KLHL4: variants seen among roughly 807,000 people sequenced by gnomAD.
KLHL4 encodes kelch like family member 4.
Under a neutral mutation model 45.8 loss-of-function variants are expected in KLHL4, and 17 were observed. The observed-to-expected ratio is 0.37, with a 90% CI of 0.25 to 0.56. KLHL4 has a LOEUF of 0.56. Among genes scored for constraint, KLHL4 ranks in the 20% least tolerant of loss-of-function variants. The pLI is 0.79. For missense variants in KLHL4, 544 were observed against 544.9 expected (o/e 1.00, Z 0.02); for synonymous variants, 224 against 189.9 (o/e 1.18, Z -1.47).
At chrX:87,623,369 C>T (rs1472017180) in intron 5 of KLHL4, among the ~76,000 whole-genome samples, 3 of 97,468 alleles carry the variant, frequency 3.1e-5, no homozygotes, top group African/African-American at 3.9e-5. Flanking sequence ...TCTCGGCTCA[C>T]GGCAACCTCT....
intron 9 of KLHL4, among the ~76,000 whole-genome samples, chrX:87,641,031 AATC>A (rs1923441601): frequency 8.9e-6 from 1 of 112,150 alleles, no homozygotes; most frequent in African/African-American, 3.2e-5. Context: ...TCAGAATTGG[AATC>A]ATCATGGTGG....
intron 9 of KLHL4, among the ~76,000 whole-genome samples, chrX:87,641,738 C>T (rs1043907693): frequency 8.1e-5 from 9 of 110,973 alleles, no homozygotes; most frequent in East Asian, 5.8e-4. Context: ...TTGGTTTGCA[C>T]GGGAGCTGGG....
At chrX:87,565,766 TAA>T (rs60442647) in intron 1 of KLHL4, among the ~76,000 whole-genome samples, 22,424 of 96,771 alleles carry the variant, frequency 0.23, 2,747 homozygotes, top group East Asian at 0.5. Flanking sequence ...AAAATAATTA[TAA>T]GAGTTGATTA....
At chrX:87,622,182 A>T in intron 4 of KLHL4, 29 bp from the exon 5 acceptor site, 14 of 1,049,764 alleles carry the variant, frequency 1.3e-5, no homozygotes, top group Non-Finnish European at 1.6e-5. Flanking sequence ...TAAAGTGCAA[A>T]GTTTTAGTAG....
intron 8 of KLHL4, 37 bp from the exon 9 acceptor site, chrX:87,635,526 C>T: frequency 1.9e-6 from 2 of 1,043,389 alleles, no homozygotes; most frequent in Non-Finnish European, 2.7e-6. Context: ...TGTATACACA[C>T]ACATATACAT....
intron 1 of KLHL4, among the ~76,000 whole-genome samples, chrX:87,584,900 C>T (rs1347764020): frequency 9.2e-6 from 1 of 108,288 alleles, no homozygotes; most frequent in Non-Finnish European, 1.9e-5. Flanking sequence ...GTAGATTTAC[C>T]CCCAAAATGA....
chrX:87,608,485 C>T (rs777636672), intron 1 of KLHL4, among the ~76,000 whole-genome samples: 4 of 108,373 alleles, frequency 3.7e-5, no homozygotes, highest in African/African-American at 1.0e-4. Context: ...TTTTTTTTTT[C>T]CCCAGGAATT....
chrX:87,531,117 GT>G (rs1163372254), intron 1 of KLHL4, among the ~76,000 whole-genome samples: 54 of 110,238 alleles, frequency 4.9e-4, no homozygotes, highest in African/African-American at 1.8e-3. Flanking sequence ...TGATGGGGTT[GT>G]TTTTTTCTTG....
chrX:87,531,003 G>T (rs1182339518), intron 1 of KLHL4, among the ~76,000 whole-genome samples: 1 of 111,827 alleles, frequency 8.9e-6, no homozygotes, highest in African/African-American at 3.3e-5. Context: ...GTTTTGATTT[G>T]CATTTCTCTG....
chrX:87,608,030 CT>C (rs1922254973), intron 1 of KLHL4, among the ~76,000 whole-genome samples: 1 of 111,711 alleles, frequency 9.0e-6, no homozygotes, highest in African/African-American at 3.3e-5. Flanking sequence ...TACACCTATC[CT>C]TCCCTATCTC....
chrX:87,567,616 A>G (rs780786336), intron 1 of KLHL4, among the ~76,000 whole-genome samples: 1 of 112,289 alleles, frequency 8.9e-6, no homozygotes, highest in Non-Finnish European at 1.9e-5. Context: ...GTGAAACACT[A>G]TTCTGCCTTA....
chrX:87,631,540 T>C (rs1923095386), intron 6 of KLHL4, among the ~76,000 whole-genome samples: 1 of 111,760 alleles, frequency 8.9e-6, no homozygotes, highest in South Asian at 3.8e-4. Context: ...TTTATTTATA[T>C]AGACAGAGTC....
At chrX:87,630,209 G>A (rs1211255347) in intron 6 of KLHL4, among the ~76,000 whole-genome samples, 1 of 111,532 alleles carries the variant, frequency 9.0e-6, no homozygotes, top group East Asian at 2.8e-4. Context: ...CAATGGTTAT[G>A]CTTCAAATGT....
intron 5 of KLHL4, 55 bp from the exon 6 acceptor site, chrX:87,625,555 C>T (rs773163161): frequency 7.4e-5 from 73 of 986,482 alleles, no homozygotes; most frequent in South Asian, 6.1e-4. Flanking sequence ...AATACAAATA[C>T]GTTCTTTCTA....
At position 87,625,705 on chromosome X, in the gene KLHL4, G is replaced by A. The variant is rs1922902993; in HGVS notation, c.1233G>A (p.Glu411=). ...CTATGAAGTATCATCTTTTGCCTGA[G>A]AGAAGATCCATGATGCAAAGCCCTC... ...MEAMKYHLLP[E]RRSMMQSPRT... is the part of the protein sequence containing the mutation. The change falls in exon 6 of 11, where the codon GAG becomes GAA. Residue 411 remains glutamate, a synonymous_variant. Coordinates refer to ENST00000373119, the MANE Select transcript of KLHL4 (RefSeq NM_019117.5). The A allele has an allele frequency of 1.7e-6, 2 of 1,209,396 alleles. No individual in the cohort carries two copies. The highest frequency in any genetic ancestry group is 2.2e-6 in the Non-Finnish European group (2 of 893,782).
At chrX:87,632,878 T>C (rs1417542750) in intron 7 of KLHL4, among the ~76,000 whole-genome samples, 3 of 111,436 alleles carry the variant, frequency 2.7e-5, no homozygotes, top group Admixed American at 1.9e-4. Context: ...TTTTGCAATA[T>C]CATAAGAGTT....
chrX:87,517,892 C>CGATGTCAG lies in KLHL4; in HGVS notation c.-1_7dup. ...AAGGCTTTTGTCTTTCCTCCTGCTA[C>CGATGTCAG]GATGTCAGTGTCTGGCAAGAAAGAG... is the stretch of plus-strand genomic sequence containing the variant. On this transcript the variant is annotated 5_prime_UTR_variant, in exon 1 of 11. It adds an upstream start codon to the 5' untranslated region. Transcript: ENST00000373119. The CGATGTCAG allele has an allele frequency of 8.4e-7, 1 of 1,196,161 alleles. No homozygotes were observed. The highest frequency in any genetic ancestry group is 1.7e-5 in the African/African-American group (1 of 57,313).
At position 87,566,100 on chromosome X, in the gene KLHL4, C is replaced by T. The variant is rs992870267; in HGVS notation, c.423-47777C>T. 5.4e-5 allele frequency among the ~76,000 whole-genome samples: 5 copies of T among 92,488 alleles called. No homozygotes were observed. In the South Asian group the frequency reaches 2.4e-3, roughly 45 times the overall value. 80.3% of individuals were successfully genotyped at this position (92,488 alleles called of 115,157 possible). Reference sequence around the variant, plus strand: ...GAACTTAAAGTAAAATAAAATAAACCCCCTCAACAATAAAAGCCAGGACCA... The same window carrying T: ...GAACTTAAAGTAAAATAAAATAAACTCCCTCAACAATAAAAGCCAGGACCA... On this transcript the variant is annotated intron_variant, in intron 1 of 10. Transcript: ENST00000373119.
chrX:87,644,707 AC>A (rs1301247056), intron 9 of KLHL4, among the ~76,000 whole-genome samples: 1 of 111,950 alleles, frequency 8.9e-6, no homozygotes, highest in East Asian at 2.8e-4. Flanking sequence ...AAAAATAGGC[AC>A]ATAGACCAGT....
Sources: allele counts gnomAD v4.1 joint callset (sites outside exome capture counted in the v4.1 genomes callset), GRCh38; gene constraint gnomAD v4.1.1; transcripts MANE v1.5; gene names NCBI Gene and HGNC (gene_info 2026-07-23, HGNC 2026-07-21).